The following DTNA variants were observed in gnomAD, a reference collection of about 807,000 sequenced individuals.
DTNA encodes the protein dystrophin-related protein 3.
In DTNA, 43 loss-of-function variants were observed where a neutral mutation model predicts 100.7. The ratio of observed to expected loss-of-function variants is 0.43; its 90% CI spans 0.33 to 0.55. The LOEUF (loss-of-function observed/expected upper bound fraction) is 0.55. DTNA is among the 20% of genes least tolerant of loss of function. The pLI is 0.04. For missense variants in DTNA, 798 were observed against 953.9 expected, an observed-to-expected ratio of 0.84 and a Z score of 2.15; for synonymous variants, 349 against 347.9, an observed-to-expected ratio of 1.00 and a Z score of -0.04.
Position 34,858,346 on chromosome 18 carries a change from C to T in DTNA, c.1594C>T (p.Pro532Ser), listed in dbSNP as rs1603266688. 6.2e-7 allele frequency: 1 copy of T among 1,614,138 alleles called. No individual in the cohort carries two copies. The highest frequency in any genetic ancestry group is 1.7e-5 in the Admixed American group (1 of 60,024). The part of the protein sequence containing the change: ...LEHEQASQPT[P>S]EKAQQNPTLL... ...GCATGAACAAGCTTCTCAGCCCACGCCAGAGAAGGCACAGCAAAACCCCAC... is the reference window on the plus strand; with the variant it reads ...GCATGAACAAGCTTCTCAGCCCACGTCAGAGAAGGCACAGCAAAACCCCAC... The change falls in exon 16 of 23, where the codon CCA becomes TCA. Residue 532 changes from proline to serine, a missense_variant. By Grantham distance (74) the Pro-to-Ser change is moderately conservative. Coordinates refer to ENST00000444659, the MANE Select transcript of DTNA (RefSeq NM_001386795.1).
At chr18:34,699,865 CAAAA>C (rs58134205) in intron 1 of DTNA, among the ~76,000 whole-genome samples, 1 of 151,152 alleles carries the variant, frequency 6.6e-6, no homozygotes, top group East Asian at 1.9e-4. Context: ...CAAAACAAAA[CAAAA>C]AAAAACTTGG....
chr18:34,512,001 C>T (rs1451818214), intron 1 of DTNA, among the ~76,000 whole-genome samples: 1 of 151,922 alleles, frequency 6.6e-6, no homozygotes, highest in African/African-American at 2.4e-5. Flanking sequence ...TCTCCTGTGA[C>T]TCTGTTCTGA....
chr18:34,798,428 A>AG (rs1368332197), intron 4 of DTNA, among the ~76,000 whole-genome samples: 3 of 152,116 alleles, frequency 2.0e-5, no homozygotes, highest in Middle Eastern at 3.2e-3. Flanking sequence ...GAAAAAAAAA[A>AG]CAAGTGTTCA....
chr18:34,790,571 T>TTA (rs2094691978), intron 3 of DTNA, among the ~76,000 whole-genome samples: 2 of 108,288 alleles, frequency 1.8e-5, no homozygotes, highest in Non-Finnish European at 3.8e-5. Context: ...ATATATATTT[T>TTA]TTTTTTTTTT....
At chr18:34,735,995 T>G (rs1477545809) in intron 1 of DTNA, among the ~76,000 whole-genome samples, 2 of 152,272 alleles carry the variant, frequency 1.3e-5, no homozygotes, top group Non-Finnish European at 2.9e-5. Context: ...TTTACTACTT[T>G]TGGAATTTAT....
At chr18:34,562,826 C>CA (rs2046756033) in intron 1 of DTNA, among the ~76,000 whole-genome samples, 1 of 152,180 alleles carries the variant, frequency 6.6e-6, no homozygotes, top group African/African-American at 2.4e-5. Context: ...TCATGACAAT[C>CA]ACGTTAATCA....
chr18:34,783,730 C>G (rs2094420161), intron 3 of DTNA, among the ~76,000 whole-genome samples: 3 of 152,190 alleles, frequency 2.0e-5, no homozygotes, highest in Admixed American at 2.0e-4. Context: ...TGGCGGATAG[C>G]TTCAGTGTAA....
chr18:34,643,928 C>T (rs2059562118), intron 1 of DTNA, among the ~76,000 whole-genome samples: 1 of 152,030 alleles, frequency 6.6e-6, no homozygotes. Context: ...TCTAGATCTA[C>T]CCGGCTAGAA....
intron 1 of DTNA, among the ~76,000 whole-genome samples, chr18:34,733,847 T>C (rs2088898378): frequency 1.3e-5 from 2 of 152,180 alleles, no homozygotes; most frequent in South Asian, 4.1e-4. Flanking sequence ...TTTTAATCCA[T>C]ATTTCAGCTA....
chr18:34,610,318 G>A (rs1162423280), intron 1 of DTNA, among the ~76,000 whole-genome samples: 1 of 152,140 alleles, frequency 6.6e-6, no homozygotes, highest in Admixed American at 6.6e-5. Context: ...TTCTCTCATG[G>A]AAATCTTTTG....
intron 1 of DTNA, among the ~76,000 whole-genome samples, chr18:34,636,554 T>G (rs1269101191): frequency 6.6e-6 from 1 of 152,212 alleles, no homozygotes; most frequent in Non-Finnish European, 1.5e-5. Context: ...GCTGAAAGTT[T>G]TACTCATCAT....
intron 15 of DTNA, among the ~76,000 whole-genome samples, chr18:34,855,288 C>T (rs2096539001): frequency 6.6e-6 from 1 of 152,160 alleles, no homozygotes; most frequent in Non-Finnish European, 1.5e-5. Context: ...AGGCAAGTGA[C>T]AGAATGTCCG....
intron 1 of DTNA, among the ~76,000 whole-genome samples, chr18:34,626,885 G>A (rs117057419): frequency 0.017 from 2,610 of 152,258 alleles, 40 homozygotes; most frequent in Non-Finnish European, 0.026. Flanking sequence ...ACATTTGTCT[G>A]TAGCTGATAA....
chr18:34,804,322 C>T (rs1056666999), intron 4 of DTNA, among the ~76,000 whole-genome samples: 2 of 152,128 alleles, frequency 1.3e-5, no homozygotes, highest in African/African-American at 4.8e-5. Flanking sequence ...GTTAGAACTT[C>T]GTCCTGAGGG....
intron 4 of DTNA, among the ~76,000 whole-genome samples, chr18:34,795,516 G>A (rs890432248): frequency 2.6e-5 from 4 of 152,180 alleles, no homozygotes; most frequent in Non-Finnish European, 4.4e-5. Context: ...AAAGAGGACT[G>A]TGGTTCCACA....
At chr18:34,887,653 G>A (rs2096934621) in intron 22 of DTNA, 113 bp from the exon 23 acceptor site, 3 of 750,424 alleles carry the variant, frequency 4.0e-6, no homozygotes, top group Non-Finnish European at 4.9e-6. Context: ...GTGTGTGTGT[G>A]TGTGCGCGCG....
intron 1 of DTNA, among the ~76,000 whole-genome samples, chr18:34,615,299 G>T (rs1360053299): frequency 6.6e-6 from 1 of 152,132 alleles, no homozygotes; most frequent in African/African-American, 2.4e-5. Flanking sequence ...AAGCCATGAG[G>T]AATGCGCCCC....
At chr18:34,529,734 G>C (rs2042967364) in intron 1 of DTNA, among the ~76,000 whole-genome samples, 1 of 152,058 alleles carries the variant, frequency 6.6e-6, no homozygotes, top group African/African-American at 2.4e-5. Context: ...CTTAATATAA[G>C]CTGATATTAC....
intron 1 of DTNA, among the ~76,000 whole-genome samples, chr18:34,666,996 C>G (rs2076025645): frequency 6.6e-6 from 1 of 152,156 alleles, no homozygotes; most frequent in Non-Finnish European, 1.5e-5. Flanking sequence ...GGCATTGAAT[C>G]TATAAATTAC....
Sources: allele counts gnomAD v4.1 joint callset (sites outside exome capture counted in the v4.1 genomes callset), GRCh38; gene constraint gnomAD v4.1.1; transcripts MANE v1.5; gene names NCBI Gene and HGNC (gene_info 2026-07-23, HGNC 2026-07-21).